FRMPD2: variants seen among roughly 807,000 people sequenced by gnomAD.
The protein encoded by FRMPD2 is FERM and PDZ domain-containing protein 2.
Under a neutral mutation model 140.1 loss-of-function variants are expected in FRMPD2, and 96 were observed. The ratio of observed to expected loss-of-function variants is 0.69; its 90% CI spans 0.58 to 0.81. The LOEUF (loss-of-function observed/expected upper bound fraction) is 0.81. Ranked by LOEUF, FRMPD2 falls within the 40% of genes least tolerant of loss-of-function variation. The pLI is 0.00. For synonymous variants in FRMPD2, 449 were observed against 547.6 expected, an observed-to-expected ratio of 0.82 and a Z score of 2.52; for missense variants, 1,240 against 1,447.4, an observed-to-expected ratio of 0.86 and a Z score of 2.32.
intron 21 of FRMPD2, among the ~76,000 whole-genome samples, chr10:48,180,586 A>G (rs1349149797): frequency 2.7e-4 from 41 of 151,748 alleles, no homozygotes; most frequent in African/African-American, 9.4e-4. Flanking sequence ...ACTGTCCTAG[A>G]ACTCTGCCTT....
chr10:48,214,446 T>C (rs988116962), intron 12 of FRMPD2, among the ~76,000 whole-genome samples: 1 of 152,208 alleles, frequency 6.6e-6, no homozygotes, highest in African/African-American at 2.4e-5. Context: ...GGTGTGTCAA[T>C]GTAGGTTCAT....
At chr10:48,190,668 C>T (rs546032397) in intron 16 of FRMPD2, among the ~76,000 whole-genome samples, 24 of 152,314 alleles carry the variant, frequency 1.6e-4, no homozygotes, top group East Asian at 7.7e-4. Flanking sequence ...TTTTCACCCA[C>T]GGGTTACTGG....
At chr10:48,264,366 A>G (rs746529521) in intron 1 of FRMPD2, among the ~76,000 whole-genome samples, 33 of 152,128 alleles carry the variant, frequency 2.2e-4, no homozygotes, top group Non-Finnish European at 4.0e-4. Flanking sequence ...ATGATTGTCC[A>G]TGTATGAAAT....
chr10:48,247,351 T>A (rs1426275870), intron 3 of FRMPD2, among the ~76,000 whole-genome samples: 1 of 152,108 alleles, frequency 6.6e-6, no homozygotes, highest in Non-Finnish European at 1.5e-5. Flanking sequence ...CATCAGAAAG[T>A]GGAGCCTGAG....
At chr10:48,244,435 AG>A (rs1840197789) in intron 4 of FRMPD2, among the ~76,000 whole-genome samples, 3 of 152,216 alleles carry the variant, frequency 2.0e-5, no homozygotes, top group Admixed American at 6.5e-5. Flanking sequence ...CACTTTGGGA[AG>A]GGTTGTTTTA....
intron 5 of FRMPD2, 29 bp downstream of exon 5, chr10:48,242,132 C>A (rs983150158): frequency 6.0e-6 from 9 of 1,503,100 alleles, no homozygotes; most frequent in Non-Finnish European, 7.2e-6. Flanking sequence ...CCAGCAGCTA[C>A]TGCTTGAAAA....
In FRMPD2 at chr10:48,251,837, C is replaced by G. The variant is rs142089978; in HGVS notation, c.26-146G>C. On this transcript the variant is annotated intron_variant, in intron 1 of 28. Transcript: ENST00000374201. ...TTTTCAGCACCTGGGTCCCTGGGGT[C>G]AGGCACAGAGCCAAGCACACAGAGG... 1.8e-5 allele frequency: 15 copies of G among 851,254 alleles called. No homozygotes were observed. The African/African-American group carries it at 2.5e-4, about 14-fold the overall frequency. The allele number at this position is 851,254 out of a possible 1,614,324, so 52.7% of individuals were successfully genotyped here.
Position 48,212,118 on chromosome 10 carries a change from A to G in FRMPD2, c.1456-9T>C, listed in dbSNP as rs1839340135. 1 of 1,613,716 alleles carries G rather than the reference A, an allele frequency of 6.2e-7. No homozygotes were observed. The highest frequency in any genetic ancestry group is 8.5e-7 in the Non-Finnish European group (1 of 1,179,746). ...GGCTTACTCTCCACCTGCTGGAAGT[A>G]AGATGTAGAAGGGAAGGGCACAATC... On this transcript the variant is annotated splice_polypyrimidine_tract_variant and intron_variant, in intron 12 of 28. Coordinates refer to ENST00000374201, the MANE Select transcript of FRMPD2 (RefSeq NM_001018071.4).
At chr10:48,218,649 G>T (rs575550835) in intron 12 of FRMPD2, among the ~76,000 whole-genome samples, 48 of 152,274 alleles carry the variant, frequency 3.2e-4, no homozygotes, top group Admixed American at 1.5e-3. Flanking sequence ...AGAAGCCCAG[G>T]ATTTCCATGC....
chr10:48,209,952 A>T (rs896494023), intron 13 of FRMPD2, among the ~76,000 whole-genome samples: 19 of 152,220 alleles, frequency 1.2e-4, no homozygotes. Context: ...GATCTATGGG[A>T]TTATATACAT....
intron 1 of FRMPD2, among the ~76,000 whole-genome samples, chr10:48,271,178 C>A (rs1342692702): frequency 6.6e-6 from 1 of 152,114 alleles, no homozygotes; most frequent in Non-Finnish European, 1.5e-5. Context: ...CTTTTTCCAG[C>A]CTTAGACGCA....
rs751556829 is a variant in FRMPD2, at chr10:48,192,876, T to G, written c.1973A>C (p.Gln658Pro). 32 of 1,613,724 alleles carry G rather than the reference T, an allele frequency of 2.0e-5. No homozygotes were observed. Among genetic ancestry groups the G allele is most frequent in the Non-Finnish European group, 2.6e-5 (31 of 1,179,946 alleles). The change falls in exon 16 of 29, where the codon CAA becomes CCA. Residue 658 changes from glutamine (Q) to proline (P), a missense_variant. Gln to Pro is a moderately conservative substitution (Grantham distance 76). Around this residue, in one of 6 missense-constraint regions of FRMPD2, gnomAD observed 1,161 missense variants for 1,055.9 expected, o/e 1.10. Transcript: ENST00000374201. Reference sequence around the variant, plus strand: ...GTGTGCAGGACTCAAATTGGCCATTTGCACAAACTTATCATGGTCTGAATT... The same window carrying G: ...GTGTGCAGGACTCAAATTGGCCATTGGCACAAACTTATCATGGTCTGAATT... ...HVLFDHDKFV[Q>P]MANLSPAHQA...
Position 48,187,136 on chromosome 10 carries a change from A to G in FRMPD2, c.2266+56T>C, listed in dbSNP as rs543871423. ...TAAGTGGTGGTAAAAGACTCAAAGC[A>G]AGCTTCCTGCGTAGGGGTTCCTCCA... On this transcript the variant is annotated intron_variant, in intron 17 of 28. Coordinates refer to ENST00000374201, the MANE Select transcript of FRMPD2 (RefSeq NM_001018071.4). 2.1e-5 allele frequency: 25 copies of G among 1,209,580 alleles called. No homozygotes were observed. In the Admixed American group the frequency reaches 3.8e-4, roughly 19 times the overall value. 74.9% of individuals were successfully genotyped at this position (1,209,580 alleles called of 1,614,324 possible).
At chr10:48,241,136 T>C (rs1299742163) in intron 5 of FRMPD2, among the ~76,000 whole-genome samples, 1 of 152,174 alleles carries the variant, frequency 6.6e-6, no homozygotes, top group East Asian at 1.9e-4. Context: ...GCTCAATTCA[T>C]AGGAGCCACA....
intron 12 of FRMPD2, among the ~76,000 whole-genome samples, 184 bp from the exon 13 acceptor site, chr10:48,212,293 G>C (rs1183239283): frequency 6.6e-6 from 1 of 152,168 alleles, no homozygotes; most frequent in Non-Finnish European, 1.5e-5. Flanking sequence ...CCTAGGACAT[G>C]AACAGAAAAG....
In FRMPD2 at chr10:48,244,163, G is replaced by T. The variant is rs144535606; in HGVS notation, c.375+621C>A. ...CCACACCCAGCTAATTTTTTTATTT[G>T]TAGTAGAGACAGGGTTTTGCCATGT... On this transcript the variant is annotated intron_variant, in intron 4 of 28. Transcript: ENST00000374201. Among the ~76,000 whole-genome samples the T allele has an allele frequency of 2.6e-5, 4 of 152,130 alleles. No homozygotes were observed. In the South Asian group the frequency reaches 8.3e-4, roughly 32 times the overall value.
rs1013140134 is a variant in FRMPD2, at chr10:48,223,287, G to T, written c.1169-17C>A. The stretch of plus-strand genomic sequence containing the variant: ...ACTCTTTGCCTGAAATGGAAATAGA[G>T]CATGTGTGGAAGGAGAAGCAGTAGG... On this transcript the variant is annotated splice_polypyrimidine_tract_variant and intron_variant, in intron 10 of 28. Transcript: ENST00000374201. The T allele has an allele frequency of 6.2e-7, 1 of 1,606,736 alleles. No homozygotes were observed. The highest frequency in any genetic ancestry group is 8.5e-7 in the Non-Finnish European group (1 of 1,176,320).
At chr10:48,173,175 A>G in intron 24 of FRMPD2, 82 bp from the exon 25 acceptor site, 1 of 562,684 alleles carries the variant, frequency 1.8e-6, no homozygotes, top group South Asian at 1.8e-5. Context: ...AATGCTTCTT[A>G]ATTTTCGAAT....
At position 48,173,101 on chromosome 10, in the gene FRMPD2, G is replaced by A; in HGVS notation, c.3076-8C>T. ...TAAGACCAGTCTTGCAACCTAGAAG[G>A]AAAGGTGAACAAACTCAGTTTACAC... On this transcript the variant is annotated splice_polypyrimidine_tract_variant and splice_region_variant and intron_variant, in intron 24 of 28. Transcript: ENST00000374201. 2 of 800,082 alleles carry A rather than the reference G, an allele frequency of 2.5e-6. No individual in the cohort carries two copies. Among genetic ancestry groups the A allele is most frequent in the Non-Finnish European group, 4.3e-6 (2 of 460,202 alleles). 49.6% of individuals were successfully genotyped at this position (800,082 alleles called of 1,614,324 possible). A position where few individuals can be genotyped will look rare whatever the true frequency, so the allele number is the denominator to read the frequency against.
Sources: gnomAD v4.1 joint callset for allele counts (sites outside exome capture counted in the v4.1 genomes callset) on GRCh38, gnomAD v4.1.1 for gene constraint, gnomAD v4.1.1 regional missense constraint, MANE v1.5 for transcripts, NCBI Gene and HGNC (gene_info 2026-07-23, HGNC 2026-07-21) for gene names.